The following RPUSD4 variants were observed in gnomAD, a reference collection of about 807,000 sequenced individuals.
RPUSD4 encodes RNA pseudouridine synthase D4.
Under a neutral mutation model 35.4 loss-of-function variants are expected in RPUSD4, and 37 were observed. The ratio of observed to expected loss-of-function variants is 1.04; its 90% CI spans 0.80 to 1.37. RPUSD4 has a LOEUF of 1.37. Among genes scored for constraint, RPUSD4 ranks in the 40% most tolerant of loss-of-function variants. The probability of loss-of-function intolerance (pLI) is 0.00; values close to 1 mark genes in which losing one functional copy is unlikely to be tolerated. For missense variants in RPUSD4, 507 were observed against 484.9 expected, an observed-to-expected ratio of 1.05 and a Z score of -0.43; for synonymous variants, 210 against 192.7, an observed-to-expected ratio of 1.09 and a Z score of -0.74.
intron 2 of RPUSD4, among the ~76,000 whole-genome samples, chr11:126,210,027 A>C (rs59220553): frequency 0.015 from 2,280 of 152,314 alleles, 64 homozygotes; most frequent in African/African-American, 0.051. Flanking sequence ...ACATACTTTG[A>C]AAAACCATGA....
At chr11:126,207,578 T>C (rs1052211013) in intron 3 of RPUSD4, among the ~76,000 whole-genome samples, 4 of 152,244 alleles carry the variant, frequency 2.6e-5, no homozygotes, top group African/African-American at 9.6e-5. Flanking sequence ...ACACAGTGGC[T>C]CACGCCTGTG....
intron 2 of RPUSD4, 140 bp downstream of exon 2, chr11:126,210,750 T>TG: frequency 1.0e-5 from 7 of 686,654 alleles, no homozygotes; most frequent in Admixed American, 3.3e-5. Context: ...CGGTGGTTCC[T>TG]TATATTGGAC....
Position 126,211,522 on chromosome 11 carries a change from C to T in RPUSD4, c.117G>A (p.Thr39=). The change falls in exon 1 of 7, where the codon ACG becomes ACA. Residue 39 remains threonine, a synonymous_variant. Transcript: ENST00000298317. ...KPFCAAAAAS[T]AINAQRLAEK... is the part of the protein sequence containing the mutation. ...CCGCTAATCTCTGGGCATTTATGGC[C>T]GTAGAGGCAGCGGCAGCGGCACAAA... 6 of 1,614,206 alleles carry T rather than the reference C, an allele frequency of 3.7e-6. No homozygotes were observed. The highest frequency in any genetic ancestry group is 5.1e-6 in the Non-Finnish European group (6 of 1,180,036).
chr11:126,207,999 T>A (rs1270160992), intron 3 of RPUSD4, among the ~76,000 whole-genome samples: 1 of 152,066 alleles, frequency 6.6e-6, no homozygotes, highest in Non-Finnish European at 1.5e-5. Flanking sequence ...CCAATATCAC[T>A]GTTATACAAG....
chr11:126,208,535 A>T (rs1243666020), intron 3 of RPUSD4: 1 of 152,288 alleles, frequency 6.6e-6, no homozygotes, highest in Non-Finnish European at 1.5e-5. Context: ...TTGCTCACGC[A>T]TCTTTTTTCT....
rs758405265 is a variant in RPUSD4, at chr11:126,211,509, G to T, written c.130C>A (p.Gln44Lys). Residue 44 changes from glutamine to lysine, a missense_variant, in exon 1 of 7, where the codon CAG becomes AAG. Gln to Lys is a moderately conservative substitution (Grantham distance 53). Coordinates refer to ENST00000298317, the MANE Select transcript of RPUSD4 (RefSeq NM_032795.3). Reference protein sequence around the residue: ...AAAASTAINAQRLAEKLRAQK... With the variant: ...AAAASTAINAKRLAEKLRAQK... ...GCTCGGAGCTTCTCCGCTAATCTCT[G>T]GGCATTTATGGCCGTAGAGGCAGCG... 6.2e-7 allele frequency: 1 copy of T among 1,614,012 alleles called. No homozygotes were observed. The highest frequency in any genetic ancestry group is 8.5e-7 in the Non-Finnish European group (1 of 1,179,990).
intron 3 of RPUSD4, among the ~76,000 whole-genome samples, chr11:126,207,859 G>A (rs572803387): frequency 5.6e-4 from 84 of 151,166 alleles, no homozygotes; most frequent in African/African-American, 1.8e-3. Context: ...GGCCAGGCAC[G>A]GTCTTAAATA....
chr11:126,205,434 T>A, intron 5 of RPUSD4, 34 bp downstream of exon 5: 1 of 1,612,718 alleles, frequency 6.2e-7, no homozygotes, highest in Non-Finnish European at 8.5e-7. Context: ...GCACAGGGTT[T>A]TGTGATCCCA....
At chr11:126,206,534 G>A (rs1165272275) in intron 3 of RPUSD4, 2 of 152,232 alleles carry the variant, frequency 1.3e-5, no homozygotes, top group African/African-American at 4.8e-5. Context: ...TCCAGCCTGG[G>A]AGACACAGCA....
At chr11:126,209,445 C>T in intron 3 of RPUSD4, 76 bp downstream of exon 3, 1 of 1,291,864 alleles carries the variant, frequency 7.7e-7, no homozygotes, top group Non-Finnish European at 1.1e-6. Context: ...ATGGGAGTTT[C>T]TGTTTTTAAT....
At chr11:126,210,476 TC>T (rs1949837270) in intron 2 of RPUSD4, among the ~76,000 whole-genome samples, 1 of 150,610 alleles carries the variant, frequency 6.6e-6, no homozygotes, top group Non-Finnish European at 1.5e-5. Flanking sequence ...TCCACTAAAT[TC>T]CAGTCACTCT....
chr11:126,204,213 G>T lies in RPUSD4; in HGVS notation c.894+18C>A. ...TTCTCTCCCGTATCTGCTGCACATT[G>T]GGTCAAATTAGTATTACCTGGGGGG... On this transcript the variant is annotated intron_variant, in intron 6 of 6. Coordinates refer to ENST00000298317, the MANE Select transcript of RPUSD4 (RefSeq NM_032795.3). 6.4e-7 allele frequency: 1 copy of T among 1,551,426 alleles called. No homozygotes were observed. Among genetic ancestry groups the T allele is most frequent in the Non-Finnish European group, 8.9e-7 (1 of 1,124,636 alleles).
In RPUSD4 at chr11:126,211,003, C is replaced by A; in HGVS notation, c.242G>T (p.Arg81Leu). 1 of 1,613,916 alleles carries A rather than the reference C, an allele frequency of 6.2e-7. No homozygotes were observed. The highest frequency in any genetic ancestry group is 2.2e-5 in the East Asian group (1 of 44,854). Residue 81 changes from arginine (R) to leucine (L), a missense_variant, in exon 2 of 7, where the codon CGG becomes CTG. Coordinates refer to ENST00000298317, the MANE Select transcript of RPUSD4 (RefSeq NM_032795.3). ...RRVQEIVRFT[R>L]QLQRVHPNVL... ...GTTGGGGTGGACTCGCTGCAGCTGC[C>A]GTGTGAACCGCACTATTTCTTGCAC...
chr11:126,205,180 T>C lies in RPUSD4; in HGVS notation c.796+288A>G, dbSNP rs73026992. Among the ~76,000 whole-genome samples the C allele has an allele frequency of 0.055, 8,429 of 152,302 alleles. 367 individuals carry two copies. The highest frequency in any genetic ancestry group is 0.18 in the East Asian group (908 of 5,188). On this transcript the variant is annotated intron_variant, in intron 5 of 6. Coordinates refer to ENST00000298317, the MANE Select transcript of RPUSD4 (RefSeq NM_032795.3). Reference sequence around the variant, plus strand: ...GCTGCTATGAATATGTGTGCAAATATTTGATTTTTGGGGTATATACCCAGA... The same window carrying C: ...GCTGCTATGAATATGTGTGCAAATACTTGATTTTTGGGGTATATACCCAGA...
At chr11:126,205,969 T>C in intron 3 of RPUSD4, 188 bp from the exon 4 acceptor site, 1 of 474,442 alleles carries the variant, frequency 2.1e-6, no homozygotes, top group Non-Finnish European at 3.7e-6. Context: ...AGCTTATCTT[T>C]TTTACTACTA....
rs186008000 is a variant in RPUSD4, at chr11:126,202,491, G to A, written c.*927C>T. On this transcript the variant is annotated 3_prime_UTR_variant, in exon 7 of 7. Coordinates refer to ENST00000298317, the MANE Select transcript of RPUSD4 (RefSeq NM_032795.3). Reference sequence around the variant, plus strand: ...CAAAGCCATCTCCAAGCCTAGAAAGGATACATACTACACGCAGCGAAAATG... The same window carrying A: ...CAAAGCCATCTCCAAGCCTAGAAAGAATACATACTACACGCAGCGAAAATG... 1 of 152,298 alleles carries A rather than the reference G, an allele frequency of 6.6e-6. No individual in the cohort carries two copies. The highest frequency in any genetic ancestry group is 2.4e-5 in the African/African-American group (1 of 41,558). 9.4% of individuals were successfully genotyped at this position (152,298 alleles called of 1,614,324 possible).
chr11:126,211,068 A>G lies in RPUSD4; in HGVS notation c.190-13T>C. 6.2e-7 allele frequency: 1 copy of G among 1,608,094 alleles called. No homozygotes were observed. Among genetic ancestry groups the G allele is most frequent in the Non-Finnish European group, 8.5e-7 (1 of 1,179,354 alleles). On this transcript the variant is annotated splice_polypyrimidine_tract_variant and intron_variant, in intron 1 of 6. Coordinates refer to ENST00000298317, the MANE Select transcript of RPUSD4 (RefSeq NM_032795.3). ...CGTTTGTGGACACCTAGGGAGAAAG[A>G]AGGAGCCGTGGGGAATGCCTGGTGC...
intron 3 of RPUSD4, among the ~76,000 whole-genome samples, chr11:126,206,739 T>C (rs1272877620): frequency 6.6e-6 from 1 of 152,234 alleles, no homozygotes; most frequent in Non-Finnish European, 1.5e-5. Flanking sequence ...TCTGGGTACC[T>C]GGTGGTCGGT....
In RPUSD4 at chr11:126,203,676, G is replaced by C. The variant is rs755813375; in HGVS notation, c.895-19C>G. 8.1e-6 allele frequency: 13 copies of C among 1,601,354 alleles called. No homozygotes were observed. In the Admixed American group the frequency reaches 8.4e-5, roughly 10 times the overall value. ...ACAGCTTCTATACAAAGAAAGGACA[G>C]ACCCTTGAGAGCAAGGCCAACAGTC... On this transcript the variant is annotated intron_variant, in intron 6 of 6. Coordinates refer to ENST00000298317, the MANE Select transcript of RPUSD4 (RefSeq NM_032795.3).
Sources: allele counts gnomAD v4.1 joint callset (sites outside exome capture counted in the v4.1 genomes callset), GRCh38; gene constraint gnomAD v4.1.1; transcripts MANE v1.5; gene names NCBI Gene and HGNC (gene_info 2026-07-23, HGNC 2026-07-21).